TRIM37: variants seen among roughly 807,000 people sequenced by gnomAD.
The protein encoded by TRIM37 is tripartite motif containing 37, also known as E3 ubiquitin-protein ligase TRIM37.
Under a neutral mutation model 129.8 loss-of-function variants are expected in TRIM37, and 80 were observed. That is an observed-to-expected ratio of 0.62 (90% CI 0.51 to 0.74). The LOEUF is 0.74. Ranked by LOEUF, TRIM37 falls within the 30% of genes least tolerant of loss-of-function variation. The pLI is 0.00. For missense variants in TRIM37, 1,054 were observed against 1,176.5 expected (o/e 0.90, Z 1.52); for synonymous variants, 389 against 387.1 (o/e 1.00, Z -0.06).
chr17:59,071,538 G>A (rs1371146405), intron 8 of TRIM37, among the ~76,000 whole-genome samples: 2 of 152,128 alleles, frequency 1.3e-5, no homozygotes, highest in Non-Finnish European at 2.9e-5. Context: ...ACCTGCCTCG[G>A]CCTCCCCAAG....
chr17:58,996,451 C>A (rs2033005572), downstream of TRIM37, among the ~76,000 whole-genome samples: 2 of 143,264 alleles, frequency 1.4e-5, no homozygotes, highest in South Asian at 2.2e-4. Flanking sequence ...GCCTGGCCGA[C>A]AGAGTGAGAA....
intron 9 of TRIM37, among the ~76,000 whole-genome samples, chr17:59,068,419 C>T (rs2042093586): frequency 6.6e-6 from 1 of 152,212 alleles, no homozygotes; most frequent in Non-Finnish European, 1.5e-5. Flanking sequence ...CCATGCACCA[C>T]ACTTTGAATT....
At chr17:59,008,233 A>G (rs2034795947) in intron 22 of TRIM37, among the ~76,000 whole-genome samples, 1 of 152,180 alleles carries the variant, frequency 6.6e-6, no homozygotes, top group African/African-American at 2.4e-5. Context: ...ATACCAACAA[A>G]TTACAAGGGT....
intron 16 of TRIM37, among the ~76,000 whole-genome samples, chr17:59,042,768 G>A (rs993831004): frequency 6.6e-6 from 1 of 150,994 alleles, no homozygotes; most frequent in African/African-American, 2.4e-5. Flanking sequence ...GTCTCAAGGA[G>A]GACAGGACAG....
At chr17:59,030,056 C>T (rs57942089) in intron 18 of TRIM37, among the ~76,000 whole-genome samples, 3,343 of 152,234 alleles carry the variant, frequency 0.022, 119 homozygotes, top group African/African-American at 0.076. Context: ...CAATCTCACA[C>T]CCTTGGTTTT....
intron 2 of TRIM37, among the ~76,000 whole-genome samples, chr17:59,095,201 G>A (rs1430069549): frequency 6.6e-6 from 1 of 151,932 alleles, no homozygotes; most frequent in African/African-American, 2.4e-5. Flanking sequence ...GGATGACAGA[G>A]CAAGACTCGG....
intron 2 of TRIM37, among the ~76,000 whole-genome samples, chr17:59,092,334 G>A (rs1007123277): frequency 2.0e-5 from 3 of 151,738 alleles, no homozygotes; most frequent in Non-Finnish European, 4.4e-5. Context: ...AGGAGGCAGA[G>A]GTTGCAGTGA....
chr17:59,082,335 T>C (rs951413392), intron 5 of TRIM37, among the ~76,000 whole-genome samples: 3 of 152,212 alleles, frequency 2.0e-5, no homozygotes, highest in Non-Finnish European at 2.9e-5. Flanking sequence ...TCTTGGTTTG[T>C]CTTAATCCTA....
At chr17:59,018,602 A>G (rs970174665) in intron 19 of TRIM37, among the ~76,000 whole-genome samples, 2 of 152,214 alleles carry the variant, frequency 1.3e-5, no homozygotes, top group African/African-American at 4.8e-5. Context: ...AAGAAAATAG[A>G]GACAACAGCA....
chr17:59,028,415 A>C lies in TRIM37; in HGVS notation c.2257T>G (p.Ser753Ala). ...ATGACACTGGGAACATATTACTTAC[A>C]GTTTCGTATGTAACAATTGGCAACT... Reference protein sequence around the residue: ...SSVANCYIRNSTNKKSNSPKP... With the variant: ...SSVANCYIRNATNKKSNSPKP... Residue 753 changes from serine (S) to alanine (A), a missense_variant and splice_region_variant, in exon 19 of 24, where the codon TCC (serine) becomes GCC (alanine). By Grantham distance (99) the Ser-to-Ala change is moderately conservative (BLOSUM62 1). Transcript: ENST00000262294. 4 of 1,610,966 alleles carry C rather than the reference A, an allele frequency of 2.5e-6. No individual in the cohort carries two copies. The highest frequency in any genetic ancestry group is 3.4e-6 in the Non-Finnish European group (4 of 1,179,762).
chr17:59,037,926 T>G (rs1349339201), intron 17 of TRIM37, among the ~76,000 whole-genome samples: 1 of 152,168 alleles, frequency 6.6e-6, no homozygotes, highest in Non-Finnish European at 1.5e-5. Context: ...TCAAATATTT[T>G]GTAGAATGTT....
chr17:59,021,944 A>G (rs1485077311), intron 19 of TRIM37, among the ~76,000 whole-genome samples: 1 of 152,126 alleles, frequency 6.6e-6, no homozygotes, highest in Non-Finnish European at 1.5e-5. Flanking sequence ...AAATATGAGG[A>G]AACCAACAAA....
intron 16 of TRIM37, among the ~76,000 whole-genome samples, chr17:59,042,828 C>CA (rs2039404228): frequency 6.6e-6 from 1 of 151,230 alleles, no homozygotes; most frequent in Non-Finnish European, 1.5e-5. Flanking sequence ...CTGTGTCAGG[C>CA]AAAAAAATAG....
At chr17:59,083,264 C>T (rs1462247322) in intron 5 of TRIM37, among the ~76,000 whole-genome samples, 3 of 151,966 alleles carry the variant, frequency 2.0e-5, no homozygotes, top group Non-Finnish European at 2.9e-5. Context: ...GGAGAAACCC[C>T]GTCTCTACTA....
In TRIM37 at chr17:59,060,673, T is replaced by C. The variant is rs564328762; in HGVS notation, c.1019+359A>G. On this transcript the variant is annotated intron_variant, in intron 12 of 23. Coordinates refer to ENST00000262294, the MANE Select transcript of TRIM37 (RefSeq NM_015294.6). Reference sequence around the variant, plus strand: ...GTACAGGGATTCCTTGTGGAGTAAATAGAATGTTATAAAATTAGATGTTGG... The same window carrying C: ...GTACAGGGATTCCTTGTGGAGTAAACAGAATGTTATAAAATTAGATGTTGG... Among the ~76,000 whole-genome samples the C allele has an allele frequency of 3.5e-4, 54 of 152,238 alleles. 1 individual carries two copies. The East Asian group carries it at 9.3e-3, about 26-fold the overall frequency.
intron 7 of TRIM37, among the ~76,000 whole-genome samples, chr17:59,079,254 CAAA>C (rs1057133653): frequency 6.6e-6 from 1 of 152,036 alleles, no homozygotes; most frequent in Non-Finnish European, 1.5e-5. Context: ...GCTCCACAAT[CAAA>C]GAAGAATGAA....
intron 19 of TRIM37, among the ~76,000 whole-genome samples, chr17:59,020,682 T>G (rs1476239386): frequency 6.6e-6 from 1 of 152,186 alleles, no homozygotes; most frequent in East Asian, 1.9e-4. Flanking sequence ...TAGATATTTC[T>G]TAAAAGACGA....
chr17:59,090,646 G>A (rs948434106), intron 3 of TRIM37, among the ~76,000 whole-genome samples: 2 of 152,054 alleles, frequency 1.3e-5, no homozygotes, highest in African/African-American at 4.8e-5. Context: ...TGTGGCCCAG[G>A]CTGGAGTGCA....
At chr17:59,005,345 G>A (rs1005265209) in intron 22 of TRIM37, among the ~76,000 whole-genome samples, 3 of 151,900 alleles carry the variant, frequency 2.0e-5, no homozygotes, top group Non-Finnish European at 4.4e-5. Flanking sequence ...GTGCCACTGC[G>A]TGATCTCAGC....
Sources: gnomAD v4.1 joint callset for allele counts (sites outside exome capture counted in the v4.1 genomes callset) on GRCh38, gnomAD v4.1.1 for gene constraint, MANE v1.5 for transcripts, NCBI Gene and HGNC (gene_info 2026-07-23, HGNC 2026-07-21) for gene names.